The following GNG7 variants were observed in gnomAD, a reference collection of about 807,000 sequenced individuals.
GNG7 encodes the protein guanine nucleotide-binding protein G(I)/G(S)/G(O) subunit gamma-7.
GNG7 carries 1 observed loss-of-function variant against 4.0 expected under a neutral mutation model. The observed-to-expected ratio is 0.25, with a 90% CI of 0.09 to 1.18. GNG7 has a LOEUF of 1.18. Among genes scored for constraint, GNG7 ranks in the 50% most tolerant of loss-of-function variants. GNG7 has a pLI of 0.50. For synonymous variants in GNG7, 34 were observed against 36.9 expected (o/e 0.92, Z 0.29); for missense variants, 86 against 91.9 (o/e 0.94, Z 0.26).
intron 2 of GNG7, among the ~76,000 whole-genome samples, chr19:2,568,735 TAC>T (rs1555694595): frequency 1.4e-5 from 1 of 73,226 alleles, no homozygotes; most frequent in Non-Finnish European, 4.3e-5. Context: ...CAGACACATA[TAC>T]ATACATACAC....
chr19:2,616,688 G>A (rs1981732480), intron 2 of GNG7, among the ~76,000 whole-genome samples: 1 of 151,938 alleles, frequency 6.6e-6, no homozygotes, highest in African/African-American at 2.4e-5. Context: ...AGGCAGAATT[G>A]CTTGAACCCG....
In GNG7 at chr19:2,513,223, C is replaced by T. The variant is rs1387021573; in HGVS notation, c.*1799G>A. The T allele has an allele frequency of 3.9e-6, 3 of 767,358 alleles. No homozygotes were observed. Among genetic ancestry groups the T allele is most frequent in the Non-Finnish European group, 4.8e-6 (3 of 631,002 alleles). The allele number at this position is 767,358 out of a possible 1,614,324, so 47.5% of individuals were successfully genotyped here. A position where few individuals can be genotyped will look rare whatever the true frequency, so the allele number is the denominator to read the frequency against. On this transcript the variant is annotated 3_prime_UTR_variant, in exon 5 of 5. Transcript: ENST00000382159. ...GTGAGCCAAGCAGGGATCCCCGCCT[C>T]ACGGGCCTGCACGGAGGACCTGGGC...
At chr19:2,547,292 A>G (rs1979160544) in intron 3 of GNG7, among the ~76,000 whole-genome samples, 1 of 152,120 alleles carries the variant, frequency 6.6e-6, no homozygotes, top group South Asian at 2.1e-4. Flanking sequence ...TCAGAGTCCA[A>G]CATGGGCCTC....
chr19:2,677,540 A>C (rs1983624833), intron 1 of GNG7, among the ~76,000 whole-genome samples: 1 of 151,956 alleles, frequency 6.6e-6, no homozygotes, highest in Non-Finnish European at 1.5e-5. Flanking sequence ...GACACCAGAC[A>C]CTAGAAAAAA....
chr19:2,656,117 T>C (rs2144872240), intron 1 of GNG7, among the ~76,000 whole-genome samples: 1 of 150,088 alleles, frequency 6.7e-6, no homozygotes, highest in South Asian at 2.1e-4. Flanking sequence ...TTGGTGGGAA[T>C]GTAAATGAGC....
intron 2 of GNG7, among the ~76,000 whole-genome samples, chr19:2,589,148 G>A (rs374102652): frequency 2.0e-5 from 3 of 151,610 alleles, no homozygotes; most frequent in East Asian, 2.0e-4. Flanking sequence ...GGCTGGTCTC[G>A]AACTCCCAAC....
At position 2,653,990 on chromosome 19, in the gene GNG7, C is replaced by T. The variant is rs893723299; in HGVS notation, c.-134-7710G>A. 3.9e-5 allele frequency among the ~76,000 whole-genome samples: 6 copies of T among 152,198 alleles called. No individual in the cohort carries two copies. The highest frequency in any genetic ancestry group is 6.5e-5 in the Admixed American group (1 of 15,278). On this transcript the variant is annotated intron_variant, in intron 1 of 4. Transcript: ENST00000382159. The surrounding 1 kb of genome is among the most constrained non-coding windows in gnomAD (Gnocchi z 4.8). The stretch of plus-strand genomic sequence containing the variant: ...CCCAGCACCCTGGGCCCCCCACCGC[C>T]GGGTCTGGGACACAGATGCTCTCCT...
intron 3 of GNG7, among the ~76,000 whole-genome samples, chr19:2,531,439 C>T (rs1269764040): frequency 1.3e-5 from 2 of 151,946 alleles, no homozygotes; most frequent in African/African-American, 2.4e-5. Context: ...GCTGGTGGCC[C>T]CAAATGCCTG....
In GNG7 at chr19:2,512,881, A is replaced by G; in HGVS notation, c.*2141T>C. 1.4e-5 allele frequency: 14 copies of G among 984,358 alleles called. No homozygotes were observed. Among genetic ancestry groups the G allele is most frequent in the Non-Finnish European group, 1.7e-5 (14 of 829,008 alleles). 61.0% of individuals were successfully genotyped at this position (984,358 alleles called of 1,614,324 possible). The stretch of plus-strand genomic sequence containing the variant: ...GAACAGGCTTTTGTCCCTTCCTGCC[A>G]TTCCTGCTATGCGTGGTGGGGACGC... On this transcript the variant is annotated 3_prime_UTR_variant, in exon 5 of 5. Transcript: ENST00000382159. This position sits in a 1 kb window ranked among gnomAD's most constrained non-coding sequence, Gnocchi z 4.7.
At chr19:2,538,093 A>AAC (rs1189216727) in intron 3 of GNG7, 1 of 454,018 alleles carries the variant, frequency 2.2e-6, no homozygotes, top group Non-Finnish European at 4.4e-6. Flanking sequence ...AACAAAACAA[A>AAC]ACAAAACAAA....
chr19:2,657,355 AAAAAAAATATATATATATATAT>A (rs1983012866), intron 1 of GNG7, among the ~76,000 whole-genome samples: 1 of 19,158 alleles, frequency 5.2e-5, no homozygotes, highest in African/African-American at 1.2e-4. Context: ...AAAAAAAAAA[AAAAAAAATATATATATATATAT>A]ATATATATAT....
chr19:2,557,448 A>G lies in GNG7; in HGVS notation c.-77-2260T>C, dbSNP rs1979601092. 2.0e-5 allele frequency among the ~76,000 whole-genome samples: 3 copies of G among 152,216 alleles called. No homozygotes were observed. On this transcript the variant is annotated intron_variant, in intron 2 of 4. Transcript: ENST00000382159. The surrounding 1 kb of genome is among the most constrained non-coding windows in gnomAD (Gnocchi z 5.1). ...AGCAAGGTCCTGCTAGTAAACATGCACAGACTCAAGAAACGAGGGGCTGCA... is the reference window on the plus strand; with the variant it reads ...AGCAAGGTCCTGCTAGTAAACATGCGCAGACTCAAGAAACGAGGGGCTGCA...
chr19:2,633,529 G>A lies in GNG7; in HGVS notation c.-78+12695C>T, dbSNP rs1446491027. Reference sequence around the variant, plus strand: ...CACACACACACACACACACACGAGAGGTGGCTGTGGTCTGCACACTGGGCT... The same window carrying A: ...CACACACACACACACACACACGAGAAGTGGCTGTGGTCTGCACACTGGGCT... On this transcript the variant is annotated intron_variant, in intron 2 of 4. Transcript: ENST00000382159. The surrounding 1 kb of genome is among the most constrained non-coding windows in gnomAD (Gnocchi z 5.9). 1.4e-5 allele frequency among the ~76,000 whole-genome samples: 2 copies of A among 144,518 alleles called. No homozygotes were observed. Among genetic ancestry groups the A allele is most frequent in the Admixed American group, 1.4e-4 (2 of 14,492 alleles). 94.8% of individuals were successfully genotyped at this position (144,518 alleles called of 152,430 possible).
At chr19:2,655,723 C>T (rs1982949334) in intron 1 of GNG7, among the ~76,000 whole-genome samples, 1 of 151,384 alleles carries the variant, frequency 6.6e-6, no homozygotes, top group Admixed American at 6.6e-5. Flanking sequence ...CCTGTAGTCC[C>T]AGCTACTCGG....
intron 4 of GNG7, among the ~76,000 whole-genome samples, chr19:2,517,731 C>T (rs951569794): frequency 9.9e-5 from 15 of 152,276 alleles, no homozygotes; most frequent in South Asian, 8.3e-4. Flanking sequence ...AGGCTGGTCT[C>T]GAACTCCTAG....
rs1568268575 is a variant in GNG7 at position 2,633,023 on chromosome 19, C to T, written c.-78+13201G>A. 6.6e-6 allele frequency among the ~76,000 whole-genome samples: 1 copy of T among 152,212 alleles called. No homozygotes were observed. On this transcript the variant is annotated intron_variant, in intron 2 of 4. Transcript: ENST00000382159. This position sits in a 1 kb window ranked among gnomAD's most constrained non-coding sequence, Gnocchi z 5.9. ...GCCCCTAACTTCTCAACAGACCCCA[C>T]CTTGGGCCTCCCCAGGCTGCACCTT...
chr19:2,551,589 G>GTATTTATAAATATATAAA (rs1421883737), intron 3 of GNG7, among the ~76,000 whole-genome samples: 16,320 of 145,084 alleles, frequency 0.11, 3,341 homozygotes, highest in East Asian at 0.33. Context: ...ATATAAATAT[G>GTATTTATAAATATATAAA]CATTTATAAA....
intron 2 of GNG7, among the ~76,000 whole-genome samples, chr19:2,570,864 C>T (rs1980123735): frequency 6.6e-6 from 1 of 152,164 alleles, no homozygotes; most frequent in African/African-American, 2.4e-5. Flanking sequence ...GTGGTGCAAT[C>T]ACAGCTCACT....
At chr19:2,553,588 C>T (rs1979417147) in intron 3 of GNG7, among the ~76,000 whole-genome samples, 1 of 148,718 alleles carries the variant, frequency 6.7e-6, no homozygotes, top group Admixed American at 6.8e-5. Flanking sequence ...CACATACACG[C>T]ACATATTACA....
Sources: gnomAD v4.1 joint callset for allele counts (sites outside exome capture counted in the v4.1 genomes callset) on GRCh38, gnomAD v4.1.1 for gene constraint, Gnocchi (gnomAD v3.1) non-coding constraint, MANE v1.5 for transcripts, NCBI Gene and HGNC (gene_info 2026-07-23, HGNC 2026-07-21) for gene names.